CRYBG3: variants seen among roughly 807,000 people sequenced by gnomAD.
The protein encoded by CRYBG3 is very large A-kinase anchor protein.
CRYBG3 carries 127 observed loss-of-function variants against 244.2 expected under a neutral mutation model. That is an observed-to-expected ratio of 0.52 (90% confidence interval 0.45 to 0.60). The LOEUF is 0.60. Ranked by LOEUF, CRYBG3 falls within the 20% of genes least tolerant of loss-of-function variation. The pLI is 0.00. For synonymous variants in CRYBG3, 1,132 were observed against 1,195.8 expected, an observed-to-expected ratio of 0.95 and a Z score of 1.10; for missense variants, 3,325 against 3,442.5, an observed-to-expected ratio of 0.97 and a Z score of 0.85.
At chr3:97,939,565 G>A (rs1270248702) in intron 19 of CRYBG3, among the ~76,000 whole-genome samples, 1 of 152,050 alleles carries the variant, frequency 6.6e-6, no homozygotes, top group Non-Finnish European at 1.5e-5. Context: ...TGTAATAAGG[G>A]TAATTAGTAC....
rs184877908 is a variant in CRYBG3, at chr3:97,876,234, C to A, written c.5040C>A (p.Gly1680=). 2.2e-4 allele frequency: 266 copies of A among 1,231,770 alleles called. No individual in the cohort carries two copies. Among genetic ancestry groups the A allele is most frequent in the African/African-American group, 1.0e-3 (67 of 64,444 alleles). The allele number at this position is 1,231,770 out of a possible 1,614,324, so 76.3% of individuals were successfully genotyped here. A position where few individuals can be genotyped will look rare whatever the true frequency, so the allele number is the denominator to read the frequency against. The change falls in exon 4 of 22, where the codon GGC becomes GGA. Residue 1680 remains glycine, a synonymous_variant. Coordinates refer to ENST00000389622, the MANE Select transcript of CRYBG3 (RefSeq NM_153605.4). ...AAACGCATGCTGAAGGGGATATTGG[C>A]AAGACTGGGACGATAGCCTTGTCAG... ...IYQTHAEGDI[G]KTGTIALSEV...
chr3:97,823,970 C>G (rs577646261), intron 1 of CRYBG3, among the ~76,000 whole-genome samples: 1 of 152,358 alleles, frequency 6.6e-6, no homozygotes, highest in East Asian at 1.9e-4. Context: ...TTCTCATCAT[C>G]TCCAGATTGG....
rs761303579 is a variant in CRYBG3, at chr3:97,877,620, CAGAG to C, written c.6429_6432del (p.Glu2144GlnfsTer19). 1.1e-5 allele frequency: 17 copies of C among 1,613,890 alleles called. No homozygotes were observed. The highest frequency in any genetic ancestry group is 1.7e-5 in the Admixed American group (1 of 59,988). ...TAAAGATGAATTTTGATGAAGATGACAGAGAGGCAGCTGATGAGGAAGAAGAGGA... is the reference window on the plus strand; with the variant it reads ...TAAAGATGAATTTTGATGAAGATGACAGGCAGCTGATGAGGAAGAAGAGGA... On this transcript the variant is annotated frameshift_variant, in exon 4 of 22. Coordinates refer to ENST00000389622, the MANE Select transcript of CRYBG3 (RefSeq NM_153605.4). LOFTEE classifies it high-confidence loss of function.
At position 97,874,180 on chromosome 3, in the gene CRYBG3, A is replaced by G. The variant is rs2039341979; in HGVS notation, c.2986A>G (p.Lys996Glu). ...ACTCAGCTTAACTAATATTTCCCCT[A>G]AATTCCAAGAAACTGGCAGCATGAA... Reference protein sequence around the residue: ...AELSLTNISPKFQETGSMKVN... With the variant: ...AELSLTNISPEFQETGSMKVN... Residue 996 changes from lysine (K) to glutamate (E), a missense_variant, in exon 4 of 22, where the codon AAA becomes GAA. Transcript: ENST00000389622. The G allele has an allele frequency of 2.0e-6, 3 of 1,529,850 alleles. No individual in the cohort carries two copies. The highest frequency in any genetic ancestry group is 2.6e-6 in the Non-Finnish European group (3 of 1,145,368). The allele number at this position is 1,529,850 out of a possible 1,614,324, so 94.8% of individuals were successfully genotyped here. A position where few individuals can be genotyped will look rare whatever the true frequency, so the allele number is the denominator to read the frequency against.
intron 1 of CRYBG3, among the ~76,000 whole-genome samples, chr3:97,841,977 T>C (rs951110474): frequency 6.6e-6 from 1 of 152,312 alleles, no homozygotes; most frequent in African/African-American, 2.4e-5. Flanking sequence ...CTGAGGGTAC[T>C]TTACTGAGTA....
intron 11 of CRYBG3, among the ~76,000 whole-genome samples, chr3:97,894,434 A>AT (rs2039617073): frequency 6.6e-6 from 1 of 152,020 alleles, no homozygotes; most frequent in Non-Finnish European, 1.5e-5. Context: ...AACTTCTACC[A>AT]TTTTTTGGTT....
chr3:97,915,544 A>C (rs1185553466), intron 16 of CRYBG3, 66 bp from the exon 17 acceptor site: 6 of 1,520,988 alleles, frequency 3.9e-6, no homozygotes, highest in Non-Finnish European at 5.4e-6. Flanking sequence ...TTCCCACAGC[A>C]TGATAATGAG....
intron 3 of CRYBG3, among the ~76,000 whole-genome samples, chr3:97,870,927 G>T (rs2039294983): frequency 6.6e-6 from 1 of 152,174 alleles, no homozygotes; most frequent in South Asian, 2.1e-4. Flanking sequence ...TGTGCACCCA[G>T]AGATCAAAGA....
intron 17 of CRYBG3, among the ~76,000 whole-genome samples, chr3:97,930,562 C>T (rs1267785668): frequency 1.3e-5 from 2 of 151,954 alleles, no homozygotes; most frequent in African/African-American, 4.8e-5. Flanking sequence ...ATCAATGCTC[C>T]TAGGTAGCCT....
chr3:97,942,658 T>C, intron 21 of CRYBG3: 1 of 428,174 alleles, frequency 2.3e-6, no homozygotes, highest in East Asian at 3.7e-5. Flanking sequence ...ATTAGTACAG[T>C]TGTAAAACTT....
chr3:97,908,792 G>C (rs1188231091), intron 15 of CRYBG3, among the ~76,000 whole-genome samples: 1 of 152,146 alleles, frequency 6.6e-6, no homozygotes, highest in Admixed American at 6.5e-5. Flanking sequence ...CTGTCATTAT[G>C]ATGTTAGCTG....
intron 17 of CRYBG3, chr3:97,932,977 G>A: frequency 3.2e-6 from 1 of 312,046 alleles, no homozygotes. Flanking sequence ...ATCTTTTTCT[G>A]CACTGGATTA....
At chr3:97,845,028 C>A (rs1461317602) in intron 2 of CRYBG3, among the ~76,000 whole-genome samples, 1 of 152,102 alleles carries the variant, frequency 6.6e-6, no homozygotes, top group Non-Finnish European at 1.5e-5. Flanking sequence ...TTTAAAAAAC[C>A]TTCTGGAACC....
intron 2 of CRYBG3, among the ~76,000 whole-genome samples, chr3:97,852,932 T>G (rs1426921912): frequency 6.6e-6 from 1 of 152,206 alleles, no homozygotes; most frequent in Admixed American, 6.5e-5. Flanking sequence ...TTAGCAATGT[T>G]GAGCATTTTT....
intron 1 of CRYBG3, among the ~76,000 whole-genome samples, chr3:97,826,935 A>C (rs1209866644): frequency 1.3e-5 from 2 of 152,244 alleles, no homozygotes; most frequent in Non-Finnish European, 2.9e-5. Flanking sequence ...TGAGAACTTT[A>C]ACTGGGCTTT....
rs565902722 is a variant in CRYBG3 at position 97,872,093 on chromosome 3, C to T, written c.899C>T (p.Pro300Leu). Residue 300 changes from proline to leucine, a missense_variant, in exon 4 of 22, where the codon CCA becomes CTA. Physicochemically the swap from Pro to Leu is moderately conservative, Grantham distance 98. Around this residue, in one of 4 missense-constraint regions of CRYBG3, gnomAD observed 1,526 missense variants for 1,443.2 expected, o/e 1.06. Coordinates refer to ENST00000389622, the MANE Select transcript of CRYBG3 (RefSeq NM_153605.4). ...ATGAAAGGAAATCTACTTGAAGGCC[C>T]ATTAGAAGACTCTGATTGTAGCAAA... is the stretch of plus-strand genomic sequence containing the variant. ...SSMKGNLLEG[P>L]LEDSDCSKTS... 2.0e-6 allele frequency: 3 copies of T among 1,535,930 alleles called. No homozygotes were observed. Among genetic ancestry groups the T allele is most frequent in the Non-Finnish European group, 2.6e-6 (3 of 1,146,784 alleles).
intron 10 of CRYBG3, among the ~76,000 whole-genome samples, chr3:97,892,281 CTG>C (rs959349714): frequency 6.6e-6 from 1 of 152,218 alleles, no homozygotes; most frequent in African/African-American, 2.4e-5. Flanking sequence ...ACTGAGGTAT[CTG>C]TGGTGTTGGC....
At chr3:97,917,232 G>C (rs1196376035) in intron 17 of CRYBG3, among the ~76,000 whole-genome samples, 2 of 143,968 alleles carry the variant, frequency 1.4e-5, no homozygotes, top group Non-Finnish European at 3.2e-5. Flanking sequence ...GAAAAATTTG[G>C]GATGAAAATA....
intron 1 of CRYBG3, among the ~76,000 whole-genome samples, chr3:97,829,811 G>T (rs2038630700): frequency 6.6e-6 from 1 of 152,166 alleles, no homozygotes; most frequent in Non-Finnish European, 1.5e-5. Flanking sequence ...GGCAGACATT[G>T]CCCAAATCTT....
Sources: gnomAD v4.1 joint callset for allele counts (sites outside exome capture counted in the v4.1 genomes callset) on GRCh38, gnomAD v4.1.1 for gene constraint, gnomAD v4.1.1 regional missense constraint, MANE v1.5 for transcripts, NCBI Gene and HGNC (gene_info 2026-07-23, HGNC 2026-07-21) for gene names.